Variants in GULP1 observed in about 807,000 individuals in gnomAD.
The protein encoded by GULP1 is PTB domain-containing engulfment adapter protein 1.
In GULP1, 19 loss-of-function variants were observed where a neutral mutation model predicts 40.9. The ratio of observed to expected loss-of-function variants is 0.46; its 90% CI spans 0.32 to 0.68. GULP1 has a LOEUF of 0.68. Among genes scored for constraint, GULP1 ranks in the 30% least tolerant of loss-of-function variants. The pLI, the probability that GULP1 is intolerant of heterozygous loss-of-function variation, is 0.03. For missense variants in GULP1, 312 were observed against 362.2 expected, an observed-to-expected ratio of 0.86 and a Z score of 1.12; for synonymous variants, 119 against 117.6, an observed-to-expected ratio of 1.01 and a Z score of -0.08.
At chr2:188,558,265 T>C (rs1433213721) in intron 7 of GULP1, among the ~76,000 whole-genome samples, 2 of 152,278 alleles carry the variant, frequency 1.3e-5, no homozygotes, top group Admixed American at 1.3e-4. Context: ...ATTTGAATCA[T>C]GGGGGCAGTT....
At chr2:188,314,272 G>GC (rs1302942273) in intron 1 of GULP1, among the ~76,000 whole-genome samples, 1 of 152,144 alleles carries the variant, frequency 6.6e-6, no homozygotes, top group Non-Finnish European at 1.5e-5. Context: ...TAGTAGTACA[G>GC]TAGGGGAATT....
intron 2 of GULP1, among the ~76,000 whole-genome samples, chr2:188,462,140 G>GT (rs2059758563): frequency 6.6e-6 from 1 of 151,896 alleles, no homozygotes; most frequent in Admixed American, 6.6e-5. Flanking sequence ...ATTATCATTT[G>GT]TTTCAATAAA....
At chr2:188,310,311 GGAAAATGTTAAAATAGTCTCGATTA>G (rs1466687318) in intron 1 of GULP1, among the ~76,000 whole-genome samples, 2 of 152,134 alleles carry the variant, frequency 1.3e-5, no homozygotes, top group Non-Finnish European at 2.9e-5. Flanking sequence ...TAAGTAAATT[GGAAAATGTTAAAATAGTCTCGATTA>G]GAGAAGATGA....
intron 1 of GULP1, among the ~76,000 whole-genome samples, chr2:188,360,460 A>G (rs1296621322): frequency 2.0e-5 from 3 of 151,624 alleles, no homozygotes; most frequent in Non-Finnish European, 4.4e-5. Flanking sequence ...TTTTTTAATC[A>G]CTTTTTCTGG....
intron 1 of GULP1, among the ~76,000 whole-genome samples, chr2:188,330,847 C>T (rs956874994): frequency 6.6e-6 from 1 of 152,148 alleles, no homozygotes; most frequent in Non-Finnish European, 1.5e-5. Flanking sequence ...TCAGCTCCCC[C>T]GACAATGGGT....
At chr2:188,531,793 G>A (rs1011035082) in intron 6 of GULP1, among the ~76,000 whole-genome samples, 6 of 152,126 alleles carry the variant, frequency 3.9e-5, no homozygotes, top group Admixed American at 6.5e-5. Context: ...ATTACAGAAG[G>A]ACAATGCAAT....
intron 2 of GULP1, among the ~76,000 whole-genome samples, chr2:188,472,274 G>A (rs1402426293): frequency 6.6e-6 from 1 of 151,958 alleles, no homozygotes; most frequent in Admixed American, 6.6e-5. Flanking sequence ...AAATCTGCTT[G>A]GTGTTGTATA....
At chr2:188,328,481 G>C (rs1427881314) in intron 1 of GULP1, among the ~76,000 whole-genome samples, 1 of 152,102 alleles carries the variant, frequency 6.6e-6, no homozygotes, top group Non-Finnish European at 1.5e-5. Context: ...GCCAACTGAG[G>C]TGGCCTAGGA....
chr2:188,364,933 T>C (rs1176547903), intron 1 of GULP1, among the ~76,000 whole-genome samples: 1 of 151,228 alleles, frequency 6.6e-6, no homozygotes, highest in Non-Finnish European at 1.5e-5. Flanking sequence ...TATGTGTATA[T>C]ATATATATAC....
chr2:188,519,078 T>TA (rs2065472739), intron 4 of GULP1, among the ~76,000 whole-genome samples: 1 of 152,304 alleles, frequency 6.6e-6, no homozygotes, highest in East Asian at 1.9e-4. Flanking sequence ...GTATAAGGCA[T>TA]AAACTTTTTT....
chr2:188,417,973 T>C (rs1423173804), intron 2 of GULP1, among the ~76,000 whole-genome samples: 1 of 151,878 alleles, frequency 6.6e-6, no homozygotes, highest in Non-Finnish European at 1.5e-5. Context: ...TTTGTTTTTT[T>C]GTTTTGTTTT....
At chr2:188,414,216 C>CAAAAAAAAAAAA (rs774779119) in intron 2 of GULP1, among the ~76,000 whole-genome samples, 2 of 44,668 alleles carry the variant, frequency 4.5e-5, no homozygotes, top group Admixed American at 2.4e-4. Context: ...GACTCCATCT[C>CAAAAAAAAAAAA]AAAAAAAAAA....
intron 1 of GULP1, among the ~76,000 whole-genome samples, chr2:188,363,869 GC>G (rs1485593670): frequency 6.6e-6 from 1 of 152,130 alleles, no homozygotes; most frequent in Non-Finnish European, 1.5e-5. Context: ...ATTTGTGGCA[GC>G]TTTAAGAGCT....
intron 1 of GULP1, among the ~76,000 whole-genome samples, chr2:188,296,178 C>T (rs935521527): frequency 9.9e-5 from 15 of 151,912 alleles, no homozygotes; most frequent in African/African-American, 3.6e-4. Flanking sequence ...TAAGCTTTTT[C>T]CCATAAGAGC....
chr2:188,509,096 T>C (rs2153192051), intron 4 of GULP1, among the ~76,000 whole-genome samples: 1 of 152,160 alleles, frequency 6.6e-6, no homozygotes, highest in Admixed American at 6.6e-5. Context: ...ACTTTTCTGT[T>C]CATCACTTTC....
At chr2:188,388,366 C>CAA (rs61586502) in intron 2 of GULP1, among the ~76,000 whole-genome samples, 2,732 of 126,362 alleles carry the variant, frequency 0.022, 101 homozygotes, top group African/African-American at 0.071. Context: ...CCATCTCTAC[C>CAA]AAAAAAAAAA....
At chr2:188,463,439 C>T (rs1218323519) in intron 2 of GULP1, among the ~76,000 whole-genome samples, 2 of 152,042 alleles carry the variant, frequency 1.3e-5, no homozygotes, top group Non-Finnish European at 2.9e-5. Context: ...GCTTTTAGCA[C>T]CCTTTCTTTA....
At chr2:188,362,189 A>T in intron 1 of GULP1, among the ~76,000 whole-genome samples, 1 of 152,078 alleles carries the variant, frequency 6.6e-6, no homozygotes, top group East Asian at 1.9e-4. Context: ...TACAAACAAA[A>T]CTCTGGAAAT....
chr2:188,537,111 G>A (rs1016134888), intron 6 of GULP1, among the ~76,000 whole-genome samples: 1 of 151,824 alleles, frequency 6.6e-6, no homozygotes, highest in Non-Finnish European at 1.5e-5. Flanking sequence ...CTTCTAGGTA[G>A]ATAATCATAT....
Sources: gnomAD v4.1 joint callset for allele counts (sites outside exome capture counted in the v4.1 genomes callset) on GRCh38, gnomAD v4.1.1 for gene constraint, MANE v1.5 for transcripts, NCBI Gene and HGNC (gene_info 2026-07-23, HGNC 2026-07-21) for gene names.